The following NCOA6 variants were observed in gnomAD, a reference collection of about 807,000 sequenced individuals.
NCOA6 encodes NRC RAP250.
Under a neutral mutation model 171.4 loss-of-function variants are expected in NCOA6, and 49 were observed. The observed-to-expected ratio is 0.29, with a 90% CI of 0.23 to 0.36. The LOEUF (loss-of-function observed/expected upper bound fraction) is 0.36, where lower values mean the gene tolerates loss of function less well. Ranked by LOEUF, NCOA6 falls within the 10% of genes least tolerant of loss-of-function variation. The pLI, the probability that NCOA6 is intolerant of heterozygous loss-of-function variation, is 1.00. For synonymous variants in NCOA6, 910 were observed against 927.5 expected (o/e 0.98, Z 0.34); for missense variants, 2,248 against 2,554.5 (o/e 0.88, Z 2.59).
chr20:34,754,684 T>A (rs1341499803), intron 8 of NCOA6, 38 bp downstream of exon 8: 1 of 1,613,236 alleles, frequency 6.2e-7, no homozygotes, highest in East Asian at 2.2e-5. Flanking sequence ...GACACAATGC[T>A]CAATAAATGC....
At chr20:34,761,785 A>G (rs188660011) in intron 5 of NCOA6, among the ~76,000 whole-genome samples, 141 of 152,200 alleles carry the variant, frequency 9.3e-4, no homozygotes, top group Non-Finnish European at 1.8e-3. Flanking sequence ...CCTCCCGAGT[A>G]GATAGGACTA....
chr20:34,782,409 AAAGAG>A lies in NCOA6; in HGVS notation c.-49-10_-49-6del, dbSNP rs2077536508. Reference sequence around the variant, plus strand: ...AAGAGGACAATAAGAAAACTTCTGAAAAGAGAAGATGCAAAAGAGCATTACAATGC... The same window carrying A: ...AAGAGGACAATAAGAAAACTTCTGAAAAGATGCAAAAGAGCATTACAATGC... On this transcript the variant is annotated splice_polypyrimidine_tract_variant and splice_region_variant and intron_variant, in intron 2 of 14. Coordinates refer to ENST00000359003, the MANE Select transcript of NCOA6 (RefSeq NM_014071.5). The A allele has an allele frequency of 8.9e-7, 1 of 1,122,430 alleles. No individual in the cohort carries two copies. Among genetic ancestry groups the A allele is most frequent in the Non-Finnish European group, 1.3e-6 (1 of 782,100 alleles). The allele number at this position is 1,122,430 out of a possible 1,614,324, so 69.5% of individuals were successfully genotyped here.
intron 3 of NCOA6, among the ~76,000 whole-genome samples, chr20:34,780,093 G>C (rs1261348436): frequency 2.0e-5 from 3 of 152,118 alleles, no homozygotes; most frequent in East Asian, 1.9e-4. Context: ...GGAAGTTTGG[G>C]GATCCTGGTT....
intron 3 of NCOA6, among the ~76,000 whole-genome samples, chr20:34,777,049 A>G (rs6060044): frequency 0.84 from 126,066 of 149,448 alleles, 53,297 homozygotes; most frequent in Admixed American, 0.91. Flanking sequence ...CCCGGGAGGC[A>G]GAGGTTGTGG....
intron 1 of NCOA6, among the ~76,000 whole-genome samples, chr20:34,797,952 C>A (rs2078133326): frequency 1.3e-5 from 2 of 152,144 alleles, no homozygotes; most frequent in African/African-American, 4.8e-5. Flanking sequence ...ATGTAGAGCA[C>A]TAAGCAGGCT....
At position 34,742,785 on chromosome 20, in the gene NCOA6, G is replaced by T. The variant is rs751202123; in HGVS notation, c.3471C>A (p.Pro1157=). ...GCCCTGTCATCATTAACTGATTCTGGGGAAGTACTACATGTGAAGGCATGT... is the reference window on the plus strand; with the variant it reads ...GCCCTGTCATCATTAACTGATTCTGTGGAAGTACTACATGTGAAGGCATGT... ...PNNMPSHVVL[P]QNQLMMTGPK... is the part of the protein sequence containing the mutation. The change falls in exon 11 of 15, where the codon CCC becomes CCA. Residue 1157 remains proline, a synonymous_variant. Coordinates refer to ENST00000359003, the MANE Select transcript of NCOA6 (RefSeq NM_014071.5). 3 of 1,614,148 alleles carry T rather than the reference G, an allele frequency of 1.9e-6. No individual in the cohort carries two copies. Among genetic ancestry groups the T allele is most frequent in the East Asian group, 4.5e-5 (2 of 44,878 alleles).
intron 12 of NCOA6, 82 bp from the exon 13 acceptor site, chr20:34,732,677 C>A: frequency 8.1e-7 from 1 of 1,229,350 alleles, no homozygotes; most frequent in South Asian, 1.3e-5. Flanking sequence ...ATTCTCTATG[C>A]CCTATTTAGG....
At position 34,775,672 on chromosome 20, in the gene NCOA6, CAAAAAAAAA is replaced by C. The variant is rs570763953; in HGVS notation, c.391+612_391+620del. On this transcript the variant is annotated intron_variant, in intron 4 of 14. Coordinates refer to ENST00000359003, the MANE Select transcript of NCOA6 (RefSeq NM_014071.5). ...TACACTCCATCCTGGGACTCTGTCT[CAAAAAAAAA>C]AAAAAAAAAAAGAAAAAAAAAAGAA... 5.2e-5 allele frequency among the ~76,000 whole-genome samples: 4 copies of C among 77,572 alleles called. No individual in the cohort carries two copies. In the Admixed American group the frequency reaches 6.0e-4, roughly 12 times the overall value. 50.9% of individuals were successfully genotyped at this position (77,572 alleles called of 152,430 possible).
intron 7 of NCOA6, among the ~76,000 whole-genome samples, chr20:34,755,724 T>C (rs1257865247): frequency 6.6e-6 from 1 of 152,132 alleles, no homozygotes; most frequent in Non-Finnish European, 1.5e-5. Context: ...CATTCATTCA[T>C]TTATTTATTT....
chr20:34,737,687 A>T (rs2075998858), intron 11 of NCOA6, among the ~76,000 whole-genome samples: 2 of 152,256 alleles, frequency 1.3e-5, no homozygotes, highest in Non-Finnish European at 2.9e-5. Context: ...CCACAGTCAC[A>T]TCTTGACATC....
intron 3 of NCOA6, among the ~76,000 whole-genome samples, chr20:34,779,910 T>C (rs1222324373): frequency 6.6e-6 from 1 of 152,078 alleles, no homozygotes; most frequent in African/African-American, 2.4e-5. Context: ...GATTAGACAA[T>C]ATTTAGTCCA....
At chr20:34,758,962 C>T (rs780895084) in intron 5 of NCOA6, 29 bp from the exon 6 acceptor site, 2 of 1,603,654 alleles carry the variant, frequency 1.2e-6, no homozygotes, top group African/African-American at 2.7e-5. Context: ...AAATAGAGTA[C>T]TGGAATTGGC....
chr20:34,768,917 G>A (rs1008202066), intron 4 of NCOA6, among the ~76,000 whole-genome samples: 2 of 152,082 alleles, frequency 1.3e-5, no homozygotes, highest in Non-Finnish European at 1.5e-5. Context: ...GTGTGTGTGT[G>A]TGTAATGGAA....
At chr20:34,798,587 G>A (rs1051641455) in intron 1 of NCOA6, among the ~76,000 whole-genome samples, 1 of 152,224 alleles carries the variant, frequency 6.6e-6, no homozygotes, top group Non-Finnish European at 1.5e-5. Flanking sequence ...AGGGGTGCTT[G>A]TGTAACCTCT....
Position 34,742,251 on chromosome 20 carries a change from C to A in NCOA6, c.4005G>T (p.Gly1335=), listed in dbSNP as rs369624013. 101 of 1,614,176 alleles carry A rather than the reference C, an allele frequency of 6.3e-5. No homozygotes were observed. Among genetic ancestry groups the A allele is most frequent in the Non-Finnish European group, 8.3e-5 (98 of 1,180,046 alleles). ...GGCTTGGAGTGGTTTTCCTACTGGA[C>A]CCAGGACTAGACCTGCGACTGTTGC... ...SPSNSRRSSP[G]SSRKTTPSPG... is the part of the protein sequence containing the mutation. The change falls in exon 11 of 15, where the codon GGG becomes GGT. Residue 1335 remains glycine, a synonymous_variant. Coordinates refer to ENST00000359003, the MANE Select transcript of NCOA6 (RefSeq NM_014071.5).
intron 5 of NCOA6, among the ~76,000 whole-genome samples, chr20:34,760,640 G>A (rs1379952798): frequency 6.6e-6 from 1 of 152,092 alleles, no homozygotes; most frequent in African/African-American, 2.4e-5. Context: ...GATTTACAGG[G>A]AAACAGATTT....
chr20:34,757,349 A>G lies in NCOA6; in HGVS notation c.1399T>C (p.Phe467Leu). Residue 467 changes from phenylalanine (F) to leucine (L), a missense_variant, in exon 7 of 15, where the codon TTT becomes CTT. Physicochemically the swap from Phe to Leu is conservative, Grantham distance 22. This residue lies in a region of NCOA6 where 987 missense variants were observed against 1,104.7 expected (regional missense o/e 0.89). Transcript: ENST00000359003. ...PPQNNPLPQG[F>L]QQPVSSPGRN... ...CCCGGAGAGCTGACAGGCTGCTGAA[A>G]TCCCTGGGGAAGTGGGTTATTTTGA... is the stretch of plus-strand genomic sequence containing the variant. 6.2e-7 allele frequency: 1 copy of G among 1,614,104 alleles called. No homozygotes were observed. Among genetic ancestry groups the G allele is most frequent in the Non-Finnish European group, 8.5e-7 (1 of 1,180,010 alleles).
At chr20:34,760,580 C>G (rs2076785851) in intron 5 of NCOA6, among the ~76,000 whole-genome samples, 1 of 152,122 alleles carries the variant, frequency 6.6e-6, no homozygotes, top group South Asian at 2.1e-4. Flanking sequence ...CTTTAAATGT[C>G]TGAGAAAACT....
At chr20:34,728,017 A>G (rs1990176025) in intron 13 of NCOA6, among the ~76,000 whole-genome samples, 1 of 151,948 alleles carries the variant, frequency 6.6e-6, no homozygotes, top group South Asian at 2.1e-4. Context: ...GAGCCATTGC[A>G]CCAGGCCCCT....
Sources: allele counts gnomAD v4.1 joint callset (sites outside exome capture counted in the v4.1 genomes callset), GRCh38; gene constraint gnomAD v4.1.1; regional missense constraint gnomAD v4.1.1; transcripts MANE v1.5; gene names NCBI Gene and HGNC (gene_info 2026-07-23, HGNC 2026-07-21).